The following BAIAP2L1 variants were observed in gnomAD, a reference collection of about 807,000 sequenced individuals.
BAIAP2L1 encodes BAR/IMD domain-containing adapter protein 2-like 1.
BAIAP2L1 carries 35 observed loss-of-function variants against 66.3 expected under a neutral mutation model. The ratio of observed to expected loss-of-function variants is 0.53; its 90% CI spans 0.40 to 0.70. BAIAP2L1 has a LOEUF of 0.70. Ranked by LOEUF, BAIAP2L1 falls within the 30% of genes least tolerant of loss-of-function variation. The probability of loss-of-function intolerance (pLI) is 0.00; values close to 1 mark genes in which losing one functional copy is unlikely to be tolerated. For missense variants in BAIAP2L1, 622 were observed against 656.9 expected, an observed-to-expected ratio of 0.95 and a Z score of 0.58; for synonymous variants, 269 against 248.7, an observed-to-expected ratio of 1.08 and a Z score of -0.77.
intron 10 of BAIAP2L1, 88 bp from the exon 11 acceptor site, chr7:98,306,604 G>C (rs1392273955): frequency 5.0e-6 from 8 of 1,590,090 alleles, no homozygotes; most frequent in Admixed American, 1.7e-5. Flanking sequence ...GCTCAGGGCA[G>C]ACAGGTCCAC....
In BAIAP2L1 at chr7:98,337,295, A is replaced by C. The variant is rs201965326; in HGVS notation, c.215-16997T>G. ...TGCCCAGGCTGGAGTGGAATGGTGC[A>C]ATCTTGGCTCACTGAAACCTCCGCC... is the stretch of plus-strand genomic sequence containing the variant. On this transcript the variant is annotated intron_variant, in intron 3 of 13. Coordinates refer to ENST00000005260, the MANE Select transcript of BAIAP2L1 (RefSeq NM_018842.5). Among the ~76,000 whole-genome samples, 36 of 150,984 alleles carry C rather than the reference A, an allele frequency of 2.4e-4. No homozygotes were observed. In the East Asian group the frequency reaches 5.5e-3, roughly 23 times the overall value.
chr7:98,382,128 T>C (rs144938065), intron 1 of BAIAP2L1, among the ~76,000 whole-genome samples: 304 of 152,064 alleles, frequency 2.0e-3, no homozygotes, highest in African/African-American at 6.9e-3. Flanking sequence ...TTCACCGTGT[T>C]AGTCAGGATG....
chr7:98,329,440 G>C (rs977410429), intron 3 of BAIAP2L1, among the ~76,000 whole-genome samples: 1 of 152,118 alleles, frequency 6.6e-6, no homozygotes, highest in Non-Finnish European at 1.5e-5. Context: ...AGTCTTTGCG[G>C]GCGGTCCCCA....
intron 7 of BAIAP2L1, 103 bp downstream of exon 7, chr7:98,315,357 A>T (rs1385658229): frequency 8.7e-7 from 1 of 1,154,604 alleles, no homozygotes; most frequent in East Asian, 3.0e-5. Flanking sequence ...CAGCCTCCCA[A>T]AGTGCTGGGA....
chr7:98,376,808 G>T (rs1802644710), intron 1 of BAIAP2L1, among the ~76,000 whole-genome samples: 1 of 152,018 alleles, frequency 6.6e-6, no homozygotes, highest in Admixed American at 6.6e-5. Flanking sequence ...CTCCAGCCTA[G>T]GCAACAAGAA....
intron 3 of BAIAP2L1, among the ~76,000 whole-genome samples, chr7:98,333,089 C>T (rs1460415545): frequency 3.3e-5 from 5 of 152,106 alleles, no homozygotes; most frequent in Non-Finnish European, 7.4e-5. Flanking sequence ...GATGAGTTCC[C>T]CGCAGTGCAC....
chr7:98,385,377 G>C (rs1351120882), intron 1 of BAIAP2L1, among the ~76,000 whole-genome samples: 1 of 152,080 alleles, frequency 6.6e-6, no homozygotes, highest in African/African-American at 2.4e-5. Context: ...TTTAAAAACA[G>C]TTTAAATTCT....
intron 3 of BAIAP2L1, among the ~76,000 whole-genome samples, chr7:98,347,268 C>T (rs575928826): frequency 2.0e-5 from 3 of 152,114 alleles, no homozygotes; most frequent in Non-Finnish European, 4.4e-5. Flanking sequence ...TTAAAGTGTA[C>T]AAATATTAGT....
intron 2 of BAIAP2L1, among the ~76,000 whole-genome samples, chr7:98,357,051 T>A (rs13308106): frequency 0.02 from 202 of 10,052 alleles, no homozygotes; most frequent in Middle Eastern, 0.12. Flanking sequence ...ATATATATAT[T>A]TTTTTTTTTT....
intron 9 of BAIAP2L1, chr7:98,310,215 C>G (rs932798401): frequency 2.0e-5 from 10 of 494,478 alleles, no homozygotes; most frequent in Non-Finnish European, 3.2e-5. Flanking sequence ...TCAGTCAGTG[C>G]GTAGAACTGG....
At chr7:98,379,878 C>CT (rs1211698918) in intron 1 of BAIAP2L1, among the ~76,000 whole-genome samples, 6 of 152,088 alleles carry the variant, frequency 3.9e-5, no homozygotes, top group Non-Finnish European at 7.4e-5. Context: ...GACAGAAAAT[C>CT]TATTAGTGGT....
chr7:98,310,599 A>G lies in BAIAP2L1; in HGVS notation c.808-7T>C. The G allele has an allele frequency of 6.4e-7, 1 of 1,557,120 alleles. No homozygotes were observed. Among genetic ancestry groups the G allele is most frequent in the Admixed American group, 2.3e-5 (1 of 43,632 alleles). ...TGTCGTAATCTTTCCTAACCTGTGA[A>G]AAATTCTTTATTAGTCCAATATTAG... On this transcript the variant is annotated splice_polypyrimidine_tract_variant and splice_region_variant and intron_variant, in intron 8 of 13. Coordinates refer to ENST00000005260, the MANE Select transcript of BAIAP2L1 (RefSeq NM_018842.5).
At chr7:98,306,827 C>T in intron 10 of BAIAP2L1, 4 of 371,476 alleles carry the variant, frequency 1.1e-5, no homozygotes, top group Non-Finnish European at 2.0e-5. Context: ...CCTGCCTCAG[C>T]ATCCGAGTAG....
At chr7:98,335,842 G>C (rs1332288084) in intron 3 of BAIAP2L1, among the ~76,000 whole-genome samples, 1 of 152,094 alleles carries the variant, frequency 6.6e-6, no homozygotes, top group Admixed American at 6.6e-5. Context: ...GCCGTTCACA[G>C]TTCCTGTCCA....
chr7:98,372,239 C>T (rs1316655574), intron 1 of BAIAP2L1, among the ~76,000 whole-genome samples: 1 of 151,988 alleles, frequency 6.6e-6, no homozygotes, highest in African/African-American at 2.4e-5. Flanking sequence ...AACCCCCTCC[C>T]TACTAAAAAT....
chr7:98,312,036 T>G, intron 8 of BAIAP2L1, 61 bp downstream of exon 8: 1 of 1,502,000 alleles, frequency 6.7e-7, no homozygotes, highest in Non-Finnish European at 9.0e-7. Context: ...ACAGGCAAAT[T>G]TGGCCCAGAT....
chr7:98,298,360 C>T lies in BAIAP2L1; in HGVS notation c.1423-4249G>A, dbSNP rs1428697164. 2.0e-5 allele frequency among the ~76,000 whole-genome samples: 3 copies of T among 152,336 alleles called. No homozygotes were observed. In the East Asian group the frequency reaches 5.8e-4, roughly 29 times the overall value. On this transcript the variant is annotated intron_variant, in intron 12 of 13. Transcript: ENST00000005260. ...GGGTGCGGTGGCTCACGCCTGTAAT[C>T]CCAGCACTTTGGGAGGCCGAGGCAG...
intron 6 of BAIAP2L1, among the ~76,000 whole-genome samples, chr7:98,316,232 G>A (rs1801071828): frequency 1.3e-5 from 2 of 152,082 alleles, no homozygotes; most frequent in Non-Finnish European, 2.9e-5. Context: ...TGATTGTGAG[G>A]CCTCCCCGGC....
chr7:98,293,401 G>T lies in BAIAP2L1; in HGVS notation c.*120C>A. On this transcript the variant is annotated 3_prime_UTR_variant, in exon 14 of 14. Coordinates refer to ENST00000005260, the MANE Select transcript of BAIAP2L1 (RefSeq NM_018842.5). Reference sequence around the variant, plus strand: ...AGAAGCATGATTTGCTTAAGCAGGCGACATTAGAGTTAGGCCTCTCCACTG... The same window carrying T: ...AGAAGCATGATTTGCTTAAGCAGGCTACATTAGAGTTAGGCCTCTCCACTG... 1 of 890,356 alleles carries T rather than the reference G, an allele frequency of 1.1e-6. No individual in the cohort carries two copies. Among genetic ancestry groups the T allele is most frequent in the Non-Finnish European group, 1.8e-6 (1 of 562,326 alleles). 55.2% of individuals were successfully genotyped at this position (890,356 alleles called of 1,614,324 possible). A position where few individuals can be genotyped will look rare whatever the true frequency, so the allele number is the denominator to read the frequency against.
Sources: allele counts gnomAD v4.1 joint callset (sites outside exome capture counted in the v4.1 genomes callset), GRCh38; gene constraint gnomAD v4.1.1; transcripts MANE v1.5; gene names NCBI Gene and HGNC (gene_info 2026-07-23, HGNC 2026-07-21).